Variants in ZMYM2 observed in about 807,000 individuals in gnomAD.
ZMYM2 encodes the protein zinc finger MYM-type protein 2.
A neutral mutation model predicts 162.8 loss-of-function variants in ZMYM2; 56 were observed. That is an observed-to-expected ratio of 0.34 (90% CI 0.28 to 0.43). The LOEUF (loss-of-function observed/expected upper bound fraction) is 0.43, where lower values mean the gene tolerates loss of function less well. ZMYM2 is among the 20% of genes least tolerant of loss of function. ZMYM2 has a pLI of 1.00. For synonymous variants in ZMYM2, 510 were observed against 541.6 expected, an observed-to-expected ratio of 0.94 and a Z score of 0.81; for missense variants, 1,275 against 1,621.8, an observed-to-expected ratio of 0.79 and a Z score of 3.67.
chr13:19,994,016 C>G (rs1949828268), intron 3 of ZMYM2, 97 bp downstream of exon 3: 1 of 1,338,786 alleles, frequency 7.5e-7, no homozygotes, highest in African/African-American at 1.5e-5. Flanking sequence ...TGTTTAGTTT[C>G]ATCATGTGAA....
At chr13:19,934,483 T>TA in the ZMYM2 span, among the ~76,000 whole-genome samples, 1 of 152,156 alleles carries the variant, frequency 6.6e-6, no homozygotes, top group Non-Finnish European at 1.5e-5. Flanking sequence ...TTTCTTAAAT[T>TA]CGTCAATTTG....
At chr13:20,013,001 G>A (rs1380175554) in intron 6 of ZMYM2, among the ~76,000 whole-genome samples, 1 of 152,066 alleles carries the variant, frequency 6.6e-6, no homozygotes, top group Non-Finnish European at 1.5e-5. Context: ...AGAGTTTGTT[G>A]GAATTTTTAT....
intron 14 of ZMYM2, among the ~76,000 whole-genome samples, chr13:20,055,283 A>G (rs1403335134): frequency 1.3e-5 from 2 of 152,144 alleles, no homozygotes; most frequent in Non-Finnish European, 2.9e-5. Context: ...CTTAATCGAT[A>G]CTTAAGTGCT....
chr13:19,995,066 T>C (rs916971421), intron 3 of ZMYM2, among the ~76,000 whole-genome samples: 2 of 151,662 alleles, frequency 1.3e-5, no homozygotes, highest in African/African-American at 4.8e-5. Context: ...GCTGGTCTTA[T>C]ACTCCTGGGC....
At chr13:19,980,260 T>C (rs759690477) in intron 2 of ZMYM2, among the ~76,000 whole-genome samples, 3 of 152,130 alleles carry the variant, frequency 2.0e-5, no homozygotes, top group Non-Finnish European at 4.4e-5. Context: ...TGCTTCCCAG[T>C]TGTTTTATAC....
the ZMYM2 span, among the ~76,000 whole-genome samples, chr13:19,949,935 A>AG: frequency 6.6e-6 from 1 of 150,796 alleles, no homozygotes; most frequent in African/African-American, 2.4e-5. Context: ...GCGAGAGAGA[A>AG]AAAAAGAAGG....
At chr13:19,984,454 TA>T (rs1432704633) in intron 2 of ZMYM2, among the ~76,000 whole-genome samples, 2 of 152,230 alleles carry the variant, frequency 1.3e-5, no homozygotes, top group Non-Finnish European at 2.9e-5. Flanking sequence ...AGGAGTGTGC[TA>T]AGTGGTTTTC....
chr13:19,907,761 CAAAAAA>C, the ZMYM2 span, among the ~76,000 whole-genome samples: 38 of 39,102 alleles, frequency 9.7e-4, 1 homozygote, highest in Non-Finnish European at 1.3e-3. Context: ...GACTCTGTCT[CAAAAAA>C]AAAAAAAAAA....
At chr13:20,007,804 A>G (rs1950867176) in intron 6 of ZMYM2, among the ~76,000 whole-genome samples, 1 of 151,636 alleles carries the variant, frequency 6.6e-6, no homozygotes, top group South Asian at 2.1e-4. Flanking sequence ...TGTTTTTACT[A>G]GAGATGGGGA....
chr13:20,065,332 G>A (rs550790705), intron 19 of ZMYM2, among the ~76,000 whole-genome samples: 1 of 152,128 alleles, frequency 6.6e-6, no homozygotes, highest in African/African-American at 2.4e-5. Flanking sequence ...AAATGTAAGA[G>A]CTAACAATAT....
At chr13:19,940,635 A>T in the ZMYM2 span, among the ~76,000 whole-genome samples, 54 of 152,336 alleles carry the variant, frequency 3.5e-4, no homozygotes, top group Admixed American at 6.5e-4. Context: ...TCTGTAGGAG[A>T]GATCAAACTA....
At chr13:19,985,709 A>G (rs905602352) in intron 2 of ZMYM2, among the ~76,000 whole-genome samples, 3 of 131,860 alleles carry the variant, frequency 2.3e-5, no homozygotes, top group Non-Finnish European at 3.3e-5. Flanking sequence ...CTCAAAAAGG[A>G]AAAAAAAAAA....
chr13:19,938,503 ATAAATAAG>A, the ZMYM2 span, among the ~76,000 whole-genome samples: 2 of 152,314 alleles, frequency 1.3e-5, no homozygotes, highest in African/African-American at 4.8e-5. Context: ...ATTTCAATAA[ATAAATAAG>A]TAAATAAGTA....
rs148890662 is a variant in ZMYM2, at chr13:20,069,051, C to T, written c.3453+1661C>T. ...TCTACCTAGTTCCTCTCCCTAAGGA[C>T]GTGCTTTTTGCTCTTTTAGCTATTT... On this transcript the variant is annotated intron_variant, in intron 21 of 24. Transcript: ENST00000610343. Among the ~76,000 whole-genome samples the T allele has an allele frequency of 5.9e-5, 9 of 152,244 alleles. No individual in the cohort carries two copies. In the East Asian group the frequency reaches 1.3e-3, roughly 23 times the overall value.
At chr13:19,873,425 T>C in the ZMYM2 span, among the ~76,000 whole-genome samples, 2 of 150,090 alleles carry the variant, frequency 1.3e-5, no homozygotes, top group South Asian at 4.2e-4. Flanking sequence ...TATTTATTTA[T>C]TGAGGCAGAG....
chr13:20,055,837 C>T (rs1459448595), intron 14 of ZMYM2, among the ~76,000 whole-genome samples: 2 of 151,928 alleles, frequency 1.3e-5, no homozygotes, highest in African/African-American at 4.8e-5. Flanking sequence ...TTTCAGCTCA[C>T]AACAGGTTAA....
intron 4 of ZMYM2, 82 bp downstream of exon 4, chr13:20,003,217 A>G: frequency 2.7e-6 from 4 of 1,459,508 alleles, no homozygotes; most frequent in Non-Finnish European, 3.7e-6. Context: ...CAGATTTGTA[A>G]TACCTTTGGA....
chr13:20,057,774 A>G (rs1955917789), intron 14 of ZMYM2, among the ~76,000 whole-genome samples: 1 of 152,258 alleles, frequency 6.6e-6, no homozygotes, highest in African/African-American at 2.4e-5. Context: ...AGAGGCTCAC[A>G]GGAACCTAAT....
intron 2 of ZMYM2, among the ~76,000 whole-genome samples, chr13:19,978,848 C>T (rs1391796760): frequency 4.6e-5 from 7 of 152,102 alleles, no homozygotes. Flanking sequence ...TTCTTCTTAC[C>T]ATGTTGAGTT....
Sources: allele counts gnomAD v4.1 joint callset (sites outside exome capture counted in the v4.1 genomes callset), GRCh38; gene constraint gnomAD v4.1.1; transcripts MANE v1.5; gene names NCBI Gene and HGNC (gene_info 2026-07-23, HGNC 2026-07-21).